Variants in MS4A15 observed in about 807,000 individuals in gnomAD.
The protein encoded by MS4A15 is membrane spanning 4-domains A15.
Under a neutral mutation model 20.6 loss-of-function variants are expected in MS4A15, and 22 were observed. That is an observed-to-expected ratio of 1.07 (90% CI 0.76 to 1.52). The LOEUF (loss-of-function observed/expected upper bound fraction) is 1.52, where lower values mean the gene tolerates loss of function less well. Among genes scored for constraint, MS4A15 ranks in the 40% most tolerant of loss-of-function variants. MS4A15 has a pLI of 0.00. For missense variants in MS4A15, 312 were observed against 323.0 expected (o/e 0.97, Z 0.26); for synonymous variants, 129 against 129.3 (o/e 1.00, Z 0.02).
At position 60,763,839 on chromosome 11, in the gene MS4A15, C is replaced by T. The variant is rs531539261; in HGVS notation, c.106C>T (p.Pro36Ser). The T allele has an allele frequency of 5.0e-6, 8 of 1,612,774 alleles. No homozygotes were observed. In the East Asian group the frequency reaches 6.7e-5, roughly 13 times the overall value. ...CATTCTGCCCACATCCATGTGCCAA[C>T]CTCCAGGGATTATGCAGTTTGAGGA... ...PAILPTSMCQ[P>S]PGIMQFEEPP... The change falls in exon 2 of 7, where the codon CCT becomes TCT. Residue 36 changes from proline to serine, a missense_variant. Transcript: ENST00000405633.
Position 60,763,958 on chromosome 11 carries a change from G to A in MS4A15, c.225G>A (p.Gly75=), listed in dbSNP as rs1853818027. ...TGACAGGAGAGCCCAAAGTTTTGGG[G>A]GTAAGAACAGCCTCTCTGCACAACC... ...TFLTGEPKVL[G]TVQILIGLIH... is the part of the protein sequence containing the mutation. Residue 75 remains glycine (G), a splice_region_variant and synonymous_variant, in exon 2 of 7, where the codon GGG becomes GGA. Transcript: ENST00000405633. 1.2e-6 allele frequency: 2 copies of A among 1,609,932 alleles called. No homozygotes were observed. The highest frequency in any genetic ancestry group is 1.1e-5 in the South Asian group (1 of 90,838).
At chr11:60,771,435 C>T (rs748470051) in intron 4 of MS4A15, 88 bp downstream of exon 4, 1 of 1,581,994 alleles carries the variant, frequency 6.3e-7, no homozygotes, top group South Asian at 1.1e-5. Flanking sequence ...CTCACTCCTT[C>T]AGCTCATTCC....
intron 2 of MS4A15, among the ~76,000 whole-genome samples, chr11:60,764,196 A>AG (rs1264923596): frequency 6.6e-6 from 1 of 152,218 alleles, no homozygotes; most frequent in Non-Finnish European, 1.5e-5. Flanking sequence ...AATGATGACT[A>AG]GGGCTAAGGG....
intron 6 of MS4A15, 23 bp from the exon 7 acceptor site, chr11:60,775,582 G>T: frequency 6.2e-7 from 1 of 1,600,310 alleles, no homozygotes; most frequent in East Asian, 2.2e-5. Flanking sequence ...CCTCCAGGAC[G>T]CTCAGTGCTG....
In MS4A15 at chr11:60,775,973, C is replaced by T. The variant is rs866274556; in HGVS notation, c.*258C>T. The T allele has an allele frequency of 2.8e-6, 1 of 355,274 alleles. No individual in the cohort carries two copies. The highest frequency in any genetic ancestry group is 2.0e-5 in the African/African-American group (1 of 49,120). 22.0% of individuals were successfully genotyped at this position (355,274 alleles called of 1,614,324 possible). A position where few individuals can be genotyped will look rare whatever the true frequency, so the allele number is the denominator to read the frequency against. On this transcript the variant is annotated 3_prime_UTR_variant, in exon 7 of 7. Coordinates refer to ENST00000405633, the MANE Select transcript of MS4A15 (RefSeq NM_001098835.2). ...AGCTCCCTGAGCCCTGTCACCCTTC[C>T]AGGACACCCACCTTGTGCATCTAAG...
chr11:60,763,900 A>G lies in MS4A15; in HGVS notation c.167A>G (p.Gln56Arg). ...GGGGCACAGACACCAAGGGCCACAC[A>G]GCCACCTGACTTGCGGCCCGTGGAG... ...PLGAQTPRAT[Q>R]PPDLRPVETF... Residue 56 changes from glutamine (Q) to arginine (R), a missense_variant, in exon 2 of 7, where the codon CAG becomes CGG. Physicochemically the swap from Gln to Arg is conservative, Grantham distance 43. Transcript: ENST00000405633. 1.2e-6 allele frequency: 2 copies of G among 1,613,180 alleles called. No individual in the cohort carries two copies. The highest frequency in any genetic ancestry group is 1.7e-6 in the Non-Finnish European group (2 of 1,179,910).
intron 1 of MS4A15, among the ~76,000 whole-genome samples, chr11:60,761,889 G>C (rs1389081637): frequency 1.3e-5 from 2 of 152,174 alleles, no homozygotes; most frequent in African/African-American, 2.4e-5. Context: ...TCTTCCAGTA[G>C]TTAGTATGCT....
chr11:60,759,308 A>T (rs1853670671), intron 1 of MS4A15, among the ~76,000 whole-genome samples: 1 of 152,270 alleles, frequency 6.6e-6, no homozygotes, highest in Admixed American at 6.5e-5. Context: ...GGTATGCAGG[A>T]TGTGCCTTGT....
chr11:60,774,176 A>C (rs1248899609), intron 6 of MS4A15, among the ~76,000 whole-genome samples: 1 of 152,138 alleles, frequency 6.6e-6, no homozygotes, highest in Non-Finnish European at 1.5e-5. Context: ...ACTTTGAAAA[A>C]TGAGATGGGA....
chr11:60,758,906 T>C (rs1397537234), intron 1 of MS4A15, among the ~76,000 whole-genome samples: 1 of 152,252 alleles, frequency 6.6e-6, no homozygotes, highest in Admixed American at 6.5e-5. Context: ...AGGAACATTT[T>C]AAAACCACGC....
intron 3 of MS4A15, among the ~76,000 whole-genome samples, chr11:60,769,211 C>T (rs982692058): frequency 5.9e-5 from 9 of 152,196 alleles, no homozygotes; most frequent in Non-Finnish European, 1.0e-4. Context: ...GAGACATGAG[C>T]GTCGGGAGAT....
chr11:60,775,529 C>A, intron 6 of MS4A15, 76 bp from the exon 7 acceptor site: 2 of 1,204,204 alleles, frequency 1.7e-6, no homozygotes, highest in East Asian at 2.4e-5. Flanking sequence ...TCAGATTACC[C>A]ACAAGGGGGC....
Position 60,759,580 on chromosome 11 carries a change from T to C in MS4A15, c.-29+2522T>C, listed in dbSNP as rs1219733285. 2.6e-5 allele frequency among the ~76,000 whole-genome samples: 4 copies of C among 151,580 alleles called. No individual in the cohort carries two copies. In the East Asian group the frequency reaches 7.8e-4, roughly 30 times the overall value. Reference sequence around the variant, plus strand: ...TAAAAGAGGAAGGCCTCTTTGTGGTTGAGATAAGAGGAAGTCCTCTGTTTC... The same window carrying C: ...TAAAAGAGGAAGGCCTCTTTGTGGTCGAGATAAGAGGAAGTCCTCTGTTTC... On this transcript the variant is annotated intron_variant, in intron 1 of 6. Transcript: ENST00000405633.
At chr11:60,765,157 TAGTC>T (rs1853853447) in intron 2 of MS4A15, among the ~76,000 whole-genome samples, 1 of 152,110 alleles carries the variant, frequency 6.6e-6, no homozygotes, top group Non-Finnish European at 1.5e-5. Flanking sequence ...TATTTGGGCA[TAGTC>T]TGATCAGTTG....
At chr11:60,765,731 T>C (rs879609951) in intron 2 of MS4A15, among the ~76,000 whole-genome samples, 6 of 151,958 alleles carry the variant, frequency 3.9e-5, no homozygotes, top group African/African-American at 7.3e-5. Flanking sequence ...TCTATCCTAA[T>C]AGCTGCACCA....
chr11:60,760,178 G>A (rs568605656), intron 1 of MS4A15, among the ~76,000 whole-genome samples: 9 of 152,286 alleles, frequency 5.9e-5, no homozygotes, highest in South Asian at 2.1e-4. Context: ...AGAAGGGAAC[G>A]CTCGAGCTAA....
At chr11:60,758,258 TA>T (rs34129865) in intron 1 of MS4A15, among the ~76,000 whole-genome samples, 12,265 of 147,208 alleles carry the variant, frequency 0.083, 570 homozygotes, top group African/African-American at 0.13. Flanking sequence ...AATACAAACA[TA>T]AAAAAAAAAA....
chr11:60,773,613 T>C (rs1854101248), intron 5 of MS4A15, 129 bp downstream of exon 5: 2 of 837,766 alleles, frequency 2.4e-6, no homozygotes, highest in Admixed American at 4.1e-5. Context: ...ATAGACCCCA[T>C]GAATCCATGG....
intron 1 of MS4A15, among the ~76,000 whole-genome samples, chr11:60,759,279 A>G (rs1357848645): frequency 6.6e-6 from 1 of 152,252 alleles, no homozygotes; most frequent in Non-Finnish European, 1.5e-5. Context: ...GTACTGAATC[A>G]AGGTTTAAGG....
Sources: gnomAD v4.1 joint callset for allele counts (sites outside exome capture counted in the v4.1 genomes callset) on GRCh38, gnomAD v4.1.1 for gene constraint, MANE v1.5 for transcripts, NCBI Gene and HGNC (gene_info 2026-07-23, HGNC 2026-07-21) for gene names.